The following SLC39A11 variants were observed in gnomAD, a reference collection of about 807,000 sequenced individuals.
SLC39A11 encodes the protein solute carrier family 39 member 11, also known as zinc transporter ZIP11.
In SLC39A11, 33 loss-of-function variants were observed where a neutral mutation model predicts 36.1. That is an observed-to-expected ratio of 0.91 (90% CI 0.69 to 1.22). SLC39A11 has a LOEUF of 1.22. SLC39A11 is among the 50% of genes most tolerant of loss of function. The pLI is 0.00. For synonymous variants in SLC39A11, 166 were observed against 170.3 expected, an observed-to-expected ratio of 0.97 and a Z score of 0.20; for missense variants, 432 against 430.3, an observed-to-expected ratio of 1.00 and a Z score of -0.03.
rs377432928 is a variant in SLC39A11 at position 72,744,915 on chromosome 17, C to T, written c.602-8196G>A. Among the ~76,000 whole-genome samples, 8 of 152,324 alleles carry T rather than the reference C, an allele frequency of 5.3e-5. No homozygotes were observed. The East Asian group carries it at 1.3e-3, about 26-fold the overall frequency. Reference sequence around the variant, plus strand: ...GGAGTGCAGTGGCACAATCTCAGCTCACTGCAACCTCTACCTCCCTGGTTC... The same window carrying T: ...GGAGTGCAGTGGCACAATCTCAGCTTACTGCAACCTCTACCTCCCTGGTTC... On this transcript the variant is annotated intron_variant, in intron 6 of 9. Coordinates refer to ENST00000255559, the MANE Select transcript of SLC39A11 (RefSeq NM_139177.4).
chr17:72,715,903 G>C (rs1370877470), intron 7 of SLC39A11, among the ~76,000 whole-genome samples: 1 of 151,988 alleles, frequency 6.6e-6, no homozygotes, highest in Admixed American at 6.6e-5. Flanking sequence ...CACCATGTTG[G>C]CCAGGCTGGA....
rs569806404 is a variant in SLC39A11, at chr17:73,037,541, T to C, written c.148-5827A>G. Among the ~76,000 whole-genome samples the C allele has an allele frequency of 5.8e-4, 89 of 152,332 alleles. 1 individual carries two copies. The highest frequency in any genetic ancestry group is 2.1e-3 in the African/African-American group (88 of 41,570). The stretch of plus-strand genomic sequence containing the variant: ...ATACTTTTGCCAGCCAGTCCCTTCA[T>C]AGCCCCGGATGGTAGAGAACAAAAG... On this transcript the variant is annotated intron_variant, in intron 3 of 9. Coordinates refer to ENST00000255559, the MANE Select transcript of SLC39A11 (RefSeq NM_139177.4).
chr17:72,758,403 C>T (rs2075444351), intron 6 of SLC39A11, among the ~76,000 whole-genome samples: 1 of 152,156 alleles, frequency 6.6e-6, no homozygotes, highest in Non-Finnish European at 1.5e-5. Flanking sequence ...CCCTCTTTAC[C>T]CGTTTTAACA....
At chr17:73,086,621 A>G (rs2060737879) in intron 2 of SLC39A11, among the ~76,000 whole-genome samples, 1 of 152,022 alleles carries the variant, frequency 6.6e-6, no homozygotes, top group Admixed American at 6.6e-5. Context: ...GGAGCTCAAA[A>G]CCTGCCTGAG....
chr17:72,757,122 C>T (rs970375481), intron 6 of SLC39A11, among the ~76,000 whole-genome samples: 3 of 151,866 alleles, frequency 2.0e-5, no homozygotes, highest in African/African-American at 4.8e-5. Context: ...GCCGAGATCA[C>T]GCCACTGCAC....
At chr17:73,044,526 G>T (rs2059208525) in intron 3 of SLC39A11, among the ~76,000 whole-genome samples, 1 of 152,152 alleles carries the variant, frequency 6.6e-6, no homozygotes, top group Non-Finnish European at 1.5e-5. Context: ...TTAGTTGGTG[G>T]CTGGGAGGGA....
chr17:73,004,232 A>AAAGAAAGAAAG lies in SLC39A11; in HGVS notation c.306+27323_306+27324insCTTTCTTTCTT. Among the ~76,000 whole-genome samples the AAAGAAAGAAAG allele has an allele frequency of 1.7e-3, 147 of 88,706 alleles. 15 individuals are homozygous for AAAGAAAGAAAG. The highest frequency in any genetic ancestry group is 5.9e-3 in the African/African-American group (141 of 23,712). 58.2% of individuals were successfully genotyped at this position (88,706 alleles called of 152,430 possible). A position where few individuals can be genotyped will look rare whatever the true frequency, so the allele number is the denominator to read the frequency against. On this transcript the variant is annotated intron_variant, in intron 4 of 9. Coordinates refer to ENST00000255559, the MANE Select transcript of SLC39A11 (RefSeq NM_139177.4). ...GAAAGAAAGAAAGAAAGAAAGAAAG[A>AAAGAAAGAAAG]AAAGAAAGAAAGAGAAAAAGCAAGC... is the stretch of plus-strand genomic sequence containing the variant.
At chr17:72,697,871 CT>C (rs1463101855) in intron 7 of SLC39A11, among the ~76,000 whole-genome samples, 1 of 152,206 alleles carries the variant, frequency 6.6e-6, no homozygotes, top group Non-Finnish European at 1.5e-5. Context: ...CCAATGCCCC[CT>C]GGCTGTAACC....
chr17:72,827,379 G>C (rs1286997478), intron 6 of SLC39A11, among the ~76,000 whole-genome samples: 2 of 152,098 alleles, frequency 1.3e-5, no homozygotes, highest in Non-Finnish European at 2.9e-5. Flanking sequence ...TAATGGGTAG[G>C]GGTTTCTTCT....
chr17:73,024,441 G>A (rs567373578), intron 4 of SLC39A11, among the ~76,000 whole-genome samples: 5 of 152,312 alleles, frequency 3.3e-5, no homozygotes, highest in African/African-American at 1.2e-4. Flanking sequence ...TCAGGTGGCT[G>A]CTGCTGAAGT....
chr17:72,660,920 CA>C (rs2070382733), intron 7 of SLC39A11, among the ~76,000 whole-genome samples: 1 of 152,172 alleles, frequency 6.6e-6, no homozygotes, highest in Non-Finnish European at 1.5e-5. Context: ...GGGAGGGGAC[CA>C]ACCCTGATTG....
At chr17:72,874,316 C>A (rs923517711) in intron 5 of SLC39A11, among the ~76,000 whole-genome samples, 1 of 152,116 alleles carries the variant, frequency 6.6e-6, no homozygotes, top group Admixed American at 6.5e-5. Flanking sequence ...AATCCAGAGT[C>A]CACTCTGGGT....
At chr17:72,831,288 A>G (rs2567481) in intron 6 of SLC39A11, among the ~76,000 whole-genome samples, 91,416 of 151,498 alleles carry the variant, frequency 0.6, 27,920 homozygotes, top group Middle Eastern at 0.68. Flanking sequence ...GCTGATGAGT[A>G]CAAGGCTCTG....
chr17:72,648,742 C>G, intron 9 of SLC39A11, 61 bp downstream of exon 9: 2 of 1,601,522 alleles, frequency 1.2e-6, no homozygotes, highest in Non-Finnish European at 1.7e-6. Flanking sequence ...GAGCATATCC[C>G]AAGGCTGGGG....
chr17:72,811,299 A>G (rs2077427922), intron 6 of SLC39A11, among the ~76,000 whole-genome samples: 1 of 152,168 alleles, frequency 6.6e-6, no homozygotes, highest in Non-Finnish European at 1.5e-5. Flanking sequence ...TTTTAAGGGC[A>G]CTAATCCAGT....
At chr17:73,079,589 A>G (rs1245286705) in intron 3 of SLC39A11, among the ~76,000 whole-genome samples, 1 of 152,232 alleles carries the variant, frequency 6.6e-6, no homozygotes, top group Admixed American at 6.5e-5. Flanking sequence ...ATGGAACAAG[A>G]CAAGGATACC....
At chr17:72,846,514 C>A (rs1598973801) in intron 6 of SLC39A11, among the ~76,000 whole-genome samples, 1 of 152,202 alleles carries the variant, frequency 6.6e-6, no homozygotes, top group Admixed American at 6.5e-5. Context: ...CTGTTTCTGG[C>A]TTTATTCCAA....
chr17:73,079,600 C>G (rs2060448084), intron 3 of SLC39A11, among the ~76,000 whole-genome samples: 1 of 152,122 alleles, frequency 6.6e-6, no homozygotes, highest in South Asian at 2.1e-4. Context: ...CAAGGATACC[C>G]ACTTTCACCA....
At chr17:73,004,163 A>G (rs377734446) in intron 4 of SLC39A11, among the ~76,000 whole-genome samples, 1,223 of 99,968 alleles carry the variant, frequency 0.012, 11 homozygotes, top group Non-Finnish European at 0.013. Context: ...AAGAAGGAAA[A>G]AAAGAAAGAA....
Sources: gnomAD v4.1 joint callset for allele counts (sites outside exome capture counted in the v4.1 genomes callset) on GRCh38, gnomAD v4.1.1 for gene constraint, MANE v1.5 for transcripts, NCBI Gene and HGNC (gene_info 2026-07-23, HGNC 2026-07-21) for gene names.